PLSCR5: variants seen among roughly 807,000 people sequenced by gnomAD.
The protein encoded by PLSCR5 is phospholipid scramblase family member 5.
PLSCR5 carries 44 observed loss-of-function variants against 33.6 expected under a neutral mutation model. That is an observed-to-expected ratio of 1.31 (90% CI 1.03 to 1.69). The LOEUF is 1.69. Ranked by LOEUF, PLSCR5 falls within the 40% of genes most tolerant of loss-of-function variation. The pLI is 0.00. For missense variants in PLSCR5, 375 were observed against 318.7 expected (o/e 1.18, Z -1.34); for synonymous variants, 148 against 112.3 (o/e 1.32, Z -2.01).
downstream of PLSCR5, among the ~76,000 whole-genome samples, chr3:146,582,076 C>G (rs2044636032): frequency 6.6e-6 from 1 of 152,238 alleles, no homozygotes; most frequent in African/African-American, 2.4e-5. Context: ...TAAACCAGAT[C>G]CTCTTTTAAT....
downstream of PLSCR5, among the ~76,000 whole-genome samples, chr3:146,583,117 A>G (rs1560104900): frequency 6.6e-6 from 1 of 152,156 alleles, no homozygotes; most frequent in Non-Finnish European, 1.5e-5. Flanking sequence ...AATTAAATCC[A>G]GCATCACTCC....
chr3:146,595,419 A>C (rs1186289831), intron 2 of PLSCR5, among the ~76,000 whole-genome samples: 2 of 152,132 alleles, frequency 1.3e-5, no homozygotes, highest in Non-Finnish European at 2.9e-5. Flanking sequence ...GGAGTTCGAG[A>C]CCAGTCTGTG....
chr3:146,600,553 G>A lies in PLSCR5; in HGVS notation c.14-90C>T. 3.4e-6 allele frequency: 4 copies of A among 1,184,922 alleles called. No individual in the cohort carries two copies. In the South Asian group the frequency reaches 1.1e-4, roughly 33 times the overall value. The allele number at this position is 1,184,922 out of a possible 1,614,324, so 73.4% of individuals were successfully genotyped here. A position where few individuals can be genotyped will look rare whatever the true frequency, so the allele number is the denominator to read the frequency against. ...AGTATTTGTTACTTCTTGATTGATA[G>A]GATAGTTTATCTCCTGCCTCTCATT... On this transcript the variant is annotated intron_variant, in intron 1 of 7. Coordinates refer to ENST00000443512, the MANE Select transcript of PLSCR5 (RefSeq NM_001085420.2).
At chr3:146,584,682 C>A (rs192961921), downstream of PLSCR5, among the ~76,000 whole-genome samples, 1 of 152,042 alleles carries the variant, frequency 6.6e-6, no homozygotes, top group Non-Finnish European at 1.5e-5. Context: ...GAATACTGAA[C>A]CAGAGTATGG....
At position 146,591,896 on chromosome 3, in the gene PLSCR5, A is replaced by G. The variant is rs768720582; in HGVS notation, c.454-15T>C. Reference sequence around the variant, plus strand: ...TGGATTTCTAACTGTAAGAAGAGATAATGATAAAATAAGATTTTCTTAGGT... The same window carrying G: ...TGGATTTCTAACTGTAAGAAGAGATGATGATAAAATAAGATTTTCTTAGGT... On this transcript the variant is annotated splice_polypyrimidine_tract_variant and intron_variant, in intron 4 of 7. Transcript: ENST00000443512. The G allele has an allele frequency of 5.8e-6, 9 of 1,557,660 alleles. No individual in the cohort carries two copies. The African/African-American group carries it at 9.7e-5, about 17-fold the overall frequency.
rs1424999578 is a variant in PLSCR5 at position 146,595,097 on chromosome 3, CAT to C, written c.190-16_190-15del. The C allele has an allele frequency of 2.9e-6, 4 of 1,379,132 alleles. No individual in the cohort carries two copies. The highest frequency in any genetic ancestry group is 5.3e-5 in the Admixed American group (2 of 37,666). The allele number at this position is 1,379,132 out of a possible 1,614,324, so 85.4% of individuals were successfully genotyped here. A position where few individuals can be genotyped will look rare whatever the true frequency, so the allele number is the denominator to read the frequency against. On this transcript the variant is annotated splice_polypyrimidine_tract_variant and intron_variant, in intron 2 of 7. Coordinates refer to ENST00000443512, the MANE Select transcript of PLSCR5 (RefSeq NM_001085420.2). ...TATCAGGTCTAACTGTAAAGGATGA[CAT>C]AAAAGGAAATAAAAAGTATTAACAT...
chr3:146,579,635 T>C (rs1204575038), intron 7 of PLSCR5, among the ~76,000 whole-genome samples: 1 of 152,230 alleles, frequency 6.6e-6, no homozygotes, highest in Non-Finnish European at 1.5e-5. Flanking sequence ...TTCGGAAAGA[T>C]ATTGTTTTGT....
downstream of PLSCR5, among the ~76,000 whole-genome samples, chr3:146,583,708 A>G (rs1043700021): frequency 2.6e-5 from 4 of 152,182 alleles, no homozygotes; most frequent in African/African-American, 9.7e-5. Context: ...GCCAATTTTT[A>G]AATGAGTGAT....
In PLSCR5 at chr3:146,591,899, GATAAA is replaced by G; in HGVS notation, c.454-23_454-19del. On this transcript the variant is annotated intron_variant, in intron 4 of 7. Transcript: ENST00000443512. ...ATTTCTAACTGTAAGAAGAGATAAT[GATAAA>G]ATAAGATTTTCTTAGGTTATCATAT... 6.5e-7 allele frequency: 1 copy of G among 1,544,594 alleles called. No individual in the cohort carries two copies. The highest frequency in any genetic ancestry group is 8.7e-7 in the Non-Finnish European group (1 of 1,142,942).
chr3:146,592,827 A>AAGTT (rs1257683146), intron 4 of PLSCR5, among the ~76,000 whole-genome samples: 1 of 152,100 alleles, frequency 6.6e-6, no homozygotes, highest in Middle Eastern at 3.2e-3. Context: ...ATTAAAGAAA[A>AAGTT]AGTTAATTAT....
downstream of PLSCR5, among the ~76,000 whole-genome samples, chr3:146,583,967 A>T (rs2044649682): frequency 6.6e-6 from 1 of 152,008 alleles, no homozygotes; most frequent in Non-Finnish European, 1.5e-5. Context: ...AGTAAAGGAC[A>T]AGAGAAGATA....
Position 146,585,856 on chromosome 3 carries a change from TAATA to T in PLSCR5, c.*127_*130del. On this transcript the variant is annotated 3_prime_UTR_variant, in exon 8 of 8. Transcript: ENST00000443512. ...AGATAATTGCCTCATTAAACTGTTTTAATAAATATAATAATTAACATTTTTTTTT... is the reference window on the plus strand; with the variant it reads ...AGATAATTGCCTCATTAAACTGTTTTAATATAATAATTAACATTTTTTTTT... 1 of 384,434 alleles carries T rather than the reference TAATA, an allele frequency of 2.6e-6. No individual in the cohort carries two copies. Among genetic ancestry groups the T allele is most frequent in the Non-Finnish European group, 4.4e-6 (1 of 224,960 alleles). 23.8% of individuals were successfully genotyped at this position (384,434 alleles called of 1,614,324 possible). A position where few individuals can be genotyped will look rare whatever the true frequency, so the allele number is the denominator to read the frequency against.
chr3:146,600,400 C>G lies in PLSCR5; in HGVS notation c.77G>C (p.Ser26Thr). The change falls in exon 2 of 8, where the codon AGC becomes ACC. Residue 26 changes from serine to threonine, a missense_variant. Physicochemically the swap from Ser to Thr is moderately conservative, Grantham distance 58. Coordinates refer to ENST00000443512, the MANE Select transcript of PLSCR5 (RefSeq NM_001085420.2). ...CCCTGGATTGGAAGAGGCAGGAAGG[C>G]TTTGGTCTGGGTCTGGAGCTCCAGG... ...FLPGAPDPDQSLPASSNPGNQ... is the reference protein window; with the variant it reads ...FLPGAPDPDQTLPASSNPGNQ... 1 of 1,608,810 alleles carries G rather than the reference C, an allele frequency of 6.2e-7. No homozygotes were observed. Among genetic ancestry groups the G allele is most frequent in the African/African-American group, 1.3e-5 (1 of 74,886 alleles).
chr3:146,589,887 C>A, intron 5 of PLSCR5, 73 bp from the exon 6 acceptor site: 1 of 929,348 alleles, frequency 1.1e-6, no homozygotes. Context: ...AGGGTGTTTA[C>A]TTCATGAGAG....
chr3:146,605,168 A>G, intron 1 of PLSCR5, 32 bp downstream of exon 1: 1 of 1,593,222 alleles, frequency 6.3e-7, no homozygotes, highest in Non-Finnish European at 8.6e-7. Flanking sequence ...TAATATAAGA[A>G]AAAGTTATTA....
Position 146,594,006 on chromosome 3 carries a change from T to G in PLSCR5, c.367A>C (p.Ile123Leu). The stretch of plus-strand genomic sequence containing the variant: ...ACCTCTCGACCTGAGTTATCTGTGA[T>G]CCTCAGGGTGCAAGATCGCAGAGTG... ...CSTLRSCTLR[I>L]TDNSGREVIT... Residue 123 changes from isoleucine (I) to leucine (L), a missense_variant, in exon 4 of 8, where the codon ATC becomes CTC. Coordinates refer to ENST00000443512, the MANE Select transcript of PLSCR5 (RefSeq NM_001085420.2). 1 of 1,613,878 alleles carries G rather than the reference T, an allele frequency of 6.2e-7. No individual in the cohort carries two copies. The highest frequency in any genetic ancestry group is 8.5e-7 in the Non-Finnish European group (1 of 1,179,812).
downstream of PLSCR5, among the ~76,000 whole-genome samples, chr3:146,581,997 A>G (rs1223388547): frequency 6.6e-6 from 1 of 152,190 alleles, no homozygotes; most frequent in Non-Finnish European, 1.5e-5. Flanking sequence ...TCCTTTTTTG[A>G]CATCTCTTTT....
At chr3:146,581,202 C>T (rs527640797), downstream of PLSCR5, among the ~76,000 whole-genome samples, 8 of 152,278 alleles carry the variant, frequency 5.3e-5, no homozygotes, top group East Asian at 1.9e-4. Context: ...TTTCCCAAAA[C>T]CTTATATAAT....
chr3:146,592,367 G>T (rs921716084), intron 4 of PLSCR5, among the ~76,000 whole-genome samples: 6 of 152,042 alleles, frequency 3.9e-5, no homozygotes, highest in African/African-American at 1.4e-4. Context: ...AAAAACAAAT[G>T]CTTCTTGCAG....
Sources: gnomAD v4.1 joint callset for allele counts (sites outside exome capture counted in the v4.1 genomes callset) on GRCh38, gnomAD v4.1.1 for gene constraint, MANE v1.5 for transcripts, NCBI Gene and HGNC (gene_info 2026-07-23, HGNC 2026-07-21) for gene names.